The following PTPRK variants were observed in gnomAD, a reference collection of about 807,000 sequenced individuals.
PTPRK encodes the protein receptor-type tyrosine-protein phosphatase kappa.
A neutral mutation model predicts 178.0 loss-of-function variants in PTPRK; 75 were observed. The ratio of observed to expected loss-of-function variants is 0.42; its 90% CI spans 0.35 to 0.51. The LOEUF is 0.51. Among genes scored for constraint, PTPRK ranks in the 20% least tolerant of loss-of-function variants. PTPRK has a pLI of 0.02. For missense variants in PTPRK, 1,441 were observed against 1,797.8 expected (o/e 0.80, Z 3.59); for synonymous variants, 637 against 620.6 (o/e 1.03, Z -0.39).
chr6:128,469,780 C>T (rs1850368686), intron 1 of PTPRK, among the ~76,000 whole-genome samples: 1 of 151,914 alleles, frequency 6.6e-6, no homozygotes, highest in Admixed American at 6.6e-5. Flanking sequence ...AATACAATCA[C>T]AAGTGTCTTT....
intron 3 of PTPRK, among the ~76,000 whole-genome samples, chr6:128,271,770 C>T (rs1176496528): frequency 6.6e-6 from 1 of 151,838 alleles, no homozygotes; most frequent in East Asian, 1.9e-4. Context: ...GATGCATAAT[C>T]TCTGGCCAAC....
intron 3 of PTPRK, among the ~76,000 whole-genome samples, chr6:128,299,107 A>T (rs1356534519): frequency 6.6e-6 from 1 of 152,112 alleles, no homozygotes; most frequent in African/African-American, 2.4e-5. Context: ...TCATGAGTGA[A>T]CTCCCAATCA....
intron 17 of PTPRK, among the ~76,000 whole-genome samples, chr6:127,996,126 G>A (rs538004601): frequency 1.1e-4 from 16 of 151,928 alleles, no homozygotes; most frequent in East Asian, 5.8e-4. Flanking sequence ...TTATTATCCC[G>A]TGTATATCTT....
intron 13 of PTPRK, among the ~76,000 whole-genome samples, chr6:128,030,247 G>T (rs1410859476): frequency 6.6e-6 from 1 of 152,136 alleles, no homozygotes; most frequent in African/African-American, 2.4e-5. Flanking sequence ...GACGGAAACT[G>T]GGCATTTTAC....
At chr6:128,446,892 T>C (rs2128403440) in intron 1 of PTPRK, among the ~76,000 whole-genome samples, 1 of 152,282 alleles carries the variant, frequency 6.6e-6, no homozygotes, top group South Asian at 2.1e-4. Flanking sequence ...AAAGCTTAAA[T>C]AAGACAAAGT....
At chr6:128,396,135 A>G (rs1314569258) in intron 2 of PTPRK, among the ~76,000 whole-genome samples, 2 of 151,852 alleles carry the variant, frequency 1.3e-5, no homozygotes, top group African/African-American at 2.4e-5. Context: ...AGCAGAATTA[A>G]CATTTTCATT....
intron 7 of PTPRK, among the ~76,000 whole-genome samples, chr6:128,111,508 G>T (rs2114337701): frequency 6.6e-6 from 1 of 152,236 alleles, no homozygotes; most frequent in South Asian, 2.1e-4. Flanking sequence ...GCATACAAAT[G>T]ACAGTAAAAA....
At chr6:127,979,923 A>G (rs1775087505) in intron 25 of PTPRK, among the ~76,000 whole-genome samples, 1 of 152,202 alleles carries the variant, frequency 6.6e-6, no homozygotes, top group African/African-American at 2.4e-5. Context: ...CATAATTTAA[A>G]ACTTTCTTTC....
chr6:128,377,737 T>A, intron 2 of PTPRK, among the ~76,000 whole-genome samples: 1 of 149,106 alleles, frequency 6.7e-6, no homozygotes, highest in Non-Finnish European at 1.5e-5. Context: ...AAACCCAGAA[T>A]CAAAGTTTAC....
Position 127,976,735 on chromosome 6 carries a change from G to A in PTPRK, c.3891C>T (p.Pro1297=), listed in dbSNP as rs1284802376. The A allele has an allele frequency of 2.5e-6, 4 of 1,613,756 alleles. No homozygotes were observed. Among genetic ancestry groups the A allele is most frequent in the South Asian group, 1.1e-5 (1 of 91,082 alleles). Residue 1297 remains proline, a synonymous_variant, in exon 27 of 30, where the codon CCC becomes CCT. Coordinates refer to ENST00000368226, the MANE Select transcript of PTPRK (RefSeq NM_002844.4). ...AACAAGACATACATTCCACTTGGAT[G>A]GGGCCATATCGTAGCATCCCTTCCT... ...WPEEGMLRYG[P]IQVECMSCSM...
chr6:128,303,986 T>C (rs1172645431), intron 3 of PTPRK, among the ~76,000 whole-genome samples: 1 of 152,146 alleles, frequency 6.6e-6, no homozygotes, highest in Non-Finnish European at 1.5e-5. Context: ...TGGAAGATGG[T>C]TGTGTCACAG....
At chr6:128,199,002 C>T (rs1164521093) in intron 6 of PTPRK, among the ~76,000 whole-genome samples, 2 of 152,098 alleles carry the variant, frequency 1.3e-5, no homozygotes, top group Non-Finnish European at 2.9e-5. Flanking sequence ...AGATGTGAAA[C>T]TTTATGCTTG....
intron 6 of PTPRK, among the ~76,000 whole-genome samples, chr6:128,212,604 T>G (rs1274339128): frequency 1.3e-5 from 2 of 152,022 alleles, no homozygotes; most frequent in African/African-American, 2.4e-5. Flanking sequence ...AAAATTCCCT[T>G]GAGTTCAGCA....
At chr6:128,066,261 A>G (rs1338936662) in intron 12 of PTPRK, among the ~76,000 whole-genome samples, 3 of 152,190 alleles carry the variant, frequency 2.0e-5, no homozygotes, top group Admixed American at 2.0e-4. Flanking sequence ...GAAAGTGGAC[A>G]CTGGACTACT....
In PTPRK at chr6:128,191,965, A is replaced by G. The variant is rs571654029; in HGVS notation, c.869-7240T>C. Among the ~76,000 whole-genome samples, 34 of 152,302 alleles carry G rather than the reference A, an allele frequency of 2.2e-4. 2 individuals carry two copies. The South Asian group carries it at 7.0e-3, about 32-fold the overall frequency. ...CACTGGCTTGACTGTGGCCAGGGAAACACAGGGAAATGGGCATGTGACTAC... is the reference window on the plus strand; with the variant it reads ...CACTGGCTTGACTGTGGCCAGGGAAGCACAGGGAAATGGGCATGTGACTAC... On this transcript the variant is annotated intron_variant, in intron 6 of 29. Coordinates refer to ENST00000368226, the MANE Select transcript of PTPRK (RefSeq NM_002844.4).
chr6:128,202,657 G>GC (rs1806183431), intron 6 of PTPRK, among the ~76,000 whole-genome samples: 1 of 152,106 alleles, frequency 6.6e-6, no homozygotes, highest in African/African-American at 2.4e-5. Flanking sequence ...AGTTCCCCAG[G>GC]GAAGGGGTGG....
chr6:128,193,698 C>T (rs1477354427), intron 6 of PTPRK, among the ~76,000 whole-genome samples: 1 of 152,110 alleles, frequency 6.6e-6, no homozygotes, highest in East Asian at 1.9e-4. Context: ...TAAGAAGAAT[C>T]ATTTCAGCAA....
At chr6:128,022,300 C>T (rs758500692) in intron 13 of PTPRK, among the ~76,000 whole-genome samples, 5 of 152,144 alleles carry the variant, frequency 3.3e-5, no homozygotes, top group Non-Finnish European at 5.9e-5. Flanking sequence ...TAAAACACTG[C>T]GTGTGTTGGT....
intron 1 of PTPRK, chr6:128,500,459 T>C (rs1855387846): frequency 6.6e-6 from 1 of 152,178 alleles, no homozygotes; most frequent in Non-Finnish European, 1.5e-5. Flanking sequence ...CATTTTTGAT[T>C]ATGCTTAGCT....
Sources: allele counts gnomAD v4.1 joint callset (sites outside exome capture counted in the v4.1 genomes callset), GRCh38; gene constraint gnomAD v4.1.1; transcripts MANE v1.5; gene names NCBI Gene and HGNC (gene_info 2026-07-23, HGNC 2026-07-21).